The following DOP1A variants were observed in gnomAD, a reference collection of about 807,000 sequenced individuals.
DOP1A encodes the protein protein DOP1A.
A neutral mutation model predicts 267.6 loss-of-function variants in DOP1A; 90 were observed. The observed-to-expected ratio is 0.34, with a 90% CI of 0.28 to 0.40. The LOEUF is 0.40. Among genes scored for constraint, DOP1A ranks in the 10% least tolerant of loss-of-function variants. DOP1A has a pLI of 1.00. For synonymous variants in DOP1A, 932 were observed against 999.1 expected (o/e 0.93, Z 1.27); for missense variants, 2,437 against 2,900.4 (o/e 0.84, Z 3.67).
At chr6:83,114,841 T>G (rs1237857003) in intron 7 of DOP1A, among the ~76,000 whole-genome samples, 2 of 152,324 alleles carry the variant, frequency 1.3e-5, no homozygotes, top group East Asian at 1.9e-4. Context: ...AATGTGTTTT[T>G]TAAAAGTATA....
intron 1 of DOP1A, among the ~76,000 whole-genome samples, chr6:83,080,923 C>A (rs539300485): frequency 8.5e-4 from 129 of 152,164 alleles, no homozygotes; most frequent in Middle Eastern, 3.4e-3. Flanking sequence ...TTTTGTGGAA[C>A]CACAAAAGAC....
At chr6:83,117,535 G>T (rs77321730) in intron 7 of DOP1A, among the ~76,000 whole-genome samples, 2,621 of 152,094 alleles carry the variant, frequency 0.017, 92 homozygotes, top group African/African-American at 0.059. Context: ...CTTATTTTTT[G>T]ATTTTACTGC....
At chr6:83,124,192 A>G (rs746593282) in intron 12 of DOP1A, among the ~76,000 whole-genome samples, 4 of 152,202 alleles carry the variant, frequency 2.6e-5, no homozygotes, top group Admixed American at 6.6e-5. Flanking sequence ...TAGGATTTCT[A>G]TGATTTAATG....
intron 37 of DOP1A, 21 bp from the exon 38 acceptor site, chr6:83,162,766 CTGA>C (rs773790382): frequency 9.4e-6 from 15 of 1,590,964 alleles, no homozygotes; most frequent in Non-Finnish European, 1.3e-5. Context: ...CTTACTGATG[CTGA>C]TGTCATTATT....
intron 3 of DOP1A, 93 bp downstream of exon 3, chr6:83,097,208 CA>C (rs1771654897): frequency 1.4e-6 from 2 of 1,381,886 alleles, no homozygotes; most frequent in East Asian, 4.6e-5. Context: ...AGTAAGAATG[CA>C]AAAACATAAA....
intron 35 of DOP1A, 147 bp from the exon 36 acceptor site, chr6:83,158,420 T>C: frequency 1.5e-6 from 1 of 688,628 alleles, no homozygotes; most frequent in Non-Finnish European, 2.5e-6. Context: ...ATTTGCAGTT[T>C]TACCTTCAGA....
intron 6 of DOP1A, among the ~76,000 whole-genome samples, chr6:83,113,033 A>AAT (rs144420567): frequency 6.7e-4 from 101 of 150,996 alleles, no homozygotes; most frequent in African/African-American, 8.0e-4. Flanking sequence ...GCAGGTTTGG[A>AAT]ATATATATAT....
chr6:83,134,154 G>C lies in DOP1A; in HGVS notation c.2770-33G>C, dbSNP rs776927316. The C allele has an allele frequency of 1.9e-6, 3 of 1,575,316 alleles. No individual in the cohort carries two copies. In the South Asian group the frequency reaches 3.4e-5, roughly 18 times the overall value. On this transcript the variant is annotated intron_variant, in intron 18 of 38. Coordinates refer to ENST00000349129, the MANE Select transcript of DOP1A (RefSeq NM_015018.4). ...AAATCATAGTATCTTCAAGAGAGAAGAACATAATTTAAGCTCCCATGTTTC... is the reference window on the plus strand; with the variant it reads ...AAATCATAGTATCTTCAAGAGAGAACAACATAATTTAAGCTCCCATGTTTC...
At chr6:83,162,959 A>G (rs776373797) in intron 38 of DOP1A, 40 bp downstream of exon 38, 1 of 1,585,418 alleles carries the variant, frequency 6.3e-7, no homozygotes, top group Admixed American at 1.8e-5. Flanking sequence ...TTACATCACT[A>G]CATGTTGCAT....
intron 1 of DOP1A, chr6:83,073,058 C>T: frequency 4.0e-6 from 1 of 248,054 alleles, no homozygotes; most frequent in Non-Finnish European, 8.3e-6. Flanking sequence ...ACAGCATTAC[C>T]ACCAAGTAGC....
At chr6:83,128,446 A>C (rs1027986467) in intron 15 of DOP1A, among the ~76,000 whole-genome samples, 3 of 152,224 alleles carry the variant, frequency 2.0e-5, no homozygotes, top group Non-Finnish European at 4.4e-5. Context: ...GATTAATAGC[A>C]AAGATTTAAT....
intron 4 of DOP1A, among the ~76,000 whole-genome samples, chr6:83,105,991 C>G (rs188191557): frequency 6.6e-6 from 1 of 152,184 alleles, no homozygotes; most frequent in East Asian, 1.9e-4. Context: ...CATACACACA[C>G]GTTATGGAGT....
At chr6:83,152,765 G>A (rs2128339484) in intron 30 of DOP1A, among the ~76,000 whole-genome samples, 1 of 151,820 alleles carries the variant, frequency 6.6e-6, no homozygotes, top group East Asian at 2.0e-4. Context: ...CTACGGGTGT[G>A]TGCCACAATG....
intron 3 of DOP1A, 144 bp from the exon 4 acceptor site, chr6:83,100,561 T>C (rs1772389823): frequency 6.4e-6 from 3 of 465,284 alleles, no homozygotes; most frequent in African/African-American, 4.0e-5. Context: ...GTTTTAATTT[T>C]AAATATGGTA....
At chr6:83,101,374 T>A (rs1210153407) in intron 4 of DOP1A, among the ~76,000 whole-genome samples, 2 of 152,204 alleles carry the variant, frequency 1.3e-5, no homozygotes, top group East Asian at 3.8e-4. Flanking sequence ...GAACAGTCTT[T>A]AATGTCTTTT....
rs1472230326 is a variant in DOP1A, at chr6:83,137,767, C to T, written c.3725C>T (p.Ser1242Leu). ...ISRNSSSPCI[S>L]GTTHTLHDSS... The stretch of plus-strand genomic sequence containing the variant: ...AGGAATAGCTCCTCACCTTGTATTT[C>T]AGGAACCACACACACTCTTCATGAC... Residue 1242 changes from serine (S) to leucine (L), a missense_variant, in exon 21 of 39, where the codon TCA becomes TTA. Ser to Leu is a moderately radical substitution (Grantham distance 145). Coordinates refer to ENST00000349129, the MANE Select transcript of DOP1A (RefSeq NM_015018.4). 1.2e-6 allele frequency: 2 copies of T among 1,613,778 alleles called. No homozygotes were observed. Among genetic ancestry groups the T allele is most frequent in the Admixed American group, 1.7e-5 (1 of 59,966 alleles).
At chr6:83,092,559 C>T (rs1770630336) in intron 1 of DOP1A, among the ~76,000 whole-genome samples, 1 of 103,340 alleles carries the variant, frequency 9.7e-6, no homozygotes, top group Admixed American at 1.1e-4. Context: ...GTGTCCCTCC[C>T]CCCCCCCCCA....
chr6:83,069,882 A>C (rs576146922), intron 1 of DOP1A, among the ~76,000 whole-genome samples: 1 of 152,304 alleles, frequency 6.6e-6, no homozygotes, highest in Admixed American at 6.5e-5. Context: ...TGCATTCCTA[A>C]AATGAAATTA....
Position 83,138,698 on chromosome 6 carries a change from G to C in DOP1A, c.4656G>C (p.Leu1552=), listed in dbSNP as rs1779190464. The C allele has an allele frequency of 6.2e-7, 1 of 1,613,990 alleles. No individual in the cohort carries two copies. Among genetic ancestry groups the C allele is most frequent in the East Asian group, 2.2e-5 (1 of 44,878 alleles). The part of the protein sequence containing the change: ...WHSEKMAGKN[L]VAVEEGFSED... ...GTGAAAAAATGGCAGGTAAGAACCT[G>C]GTTGCTGTGGAAGAAGGTTTCTCAG... Residue 1552 remains leucine, a synonymous_variant, in exon 21 of 39, where the codon CTG becomes CTC. Transcript: ENST00000349129.
Sources: allele counts gnomAD v4.1 joint callset (sites outside exome capture counted in the v4.1 genomes callset), GRCh38; gene constraint gnomAD v4.1.1; transcripts MANE v1.5; gene names NCBI Gene and HGNC (gene_info 2026-07-23, HGNC 2026-07-21).